AGBL4: variants seen among roughly 807,000 people sequenced by gnomAD.
The protein encoded by AGBL4 is AGBL carboxypeptidase 4.
Under a neutral mutation model 66.4 loss-of-function variants are expected in AGBL4, and 58 were observed. The observed-to-expected ratio is 0.87, with a 90% CI of 0.71 to 1.09. AGBL4 has a LOEUF of 1.09. Among genes scored for constraint, AGBL4 ranks in the 50% least tolerant of loss-of-function variants. The probability of loss-of-function intolerance (pLI) is 0.00; values close to 1 mark genes in which losing one functional copy is unlikely to be tolerated. For missense variants in AGBL4, 579 were observed against 631.0 expected, an observed-to-expected ratio of 0.92 and a Z score of 0.88; for synonymous variants, 234 against 222.9, an observed-to-expected ratio of 1.05 and a Z score of -0.44.
Position 49,997,832 on chromosome 1 carries a change from G to A in AGBL4, c.34+25931C>T, listed in dbSNP as rs886861703. Among the ~76,000 whole-genome samples the A allele has an allele frequency of 2.6e-5, 4 of 151,988 alleles. No individual in the cohort carries two copies. In the East Asian group the frequency reaches 7.7e-4, roughly 29 times the overall value. The stretch of plus-strand genomic sequence containing the variant: ...ACAAAACAAGTCTCAGTAAATTTAA[G>A]AAAATCAAAATTATATCAAGTACTT... On this transcript the variant is annotated intron_variant, in intron 1 of 13. Transcript: ENST00000371839.
Position 49,482,721 on chromosome 1 carries a change from T to C in AGBL4, c.282+214592A>G, listed in dbSNP as rs374016236. 2.0e-4 allele frequency among the ~76,000 whole-genome samples: 31 copies of C among 151,924 alleles called. No homozygotes were observed. In the East Asian group the frequency reaches 3.1e-3, roughly 15 times the overall value. On this transcript the variant is annotated intron_variant, in intron 3 of 13. Transcript: ENST00000371839. ...TAGTTCTTCTAGTTGTGATATTAGG[T>C]TGTTGAGATCTTCCTAGCTTTTTGA...
chr1:48,534,292 T>G lies in AGBL4; in HGVS notation c.1393A>C (p.Lys465Gln). 6.5e-7 allele frequency: 1 copy of G among 1,550,066 alleles called. No homozygotes were observed. Among genetic ancestry groups the G allele is most frequent in the Non-Finnish European group, 8.7e-7 (1 of 1,146,356 alleles). Residue 465 changes from lysine to glutamine, a missense_variant and splice_region_variant, in exon 14 of 14, where the codon AAA becomes CAA. By Grantham distance (53) the Lys-to-Gln change is moderately conservative. Coordinates refer to ENST00000371839, the MANE Select transcript of AGBL4 (RefSeq NM_032785.4). ...RNKEIEVQRR[K>Q]EKSPPYKHPL... is the part of the protein sequence containing the mutation. Reference sequence around the variant, plus strand: ...TGCTTGTAAGGAGGGGATTTTTCTTTCCTGCAAAGGGGGAGATAACAGAAA... The same window carrying G: ...TGCTTGTAAGGAGGGGATTTTTCTTGCCTGCAAAGGGGGAGATAACAGAAA...
chr1:49,944,555 GAAC>G (rs570787284), intron 1 of AGBL4, among the ~76,000 whole-genome samples: 135 of 152,106 alleles, frequency 8.9e-4, no homozygotes, highest in African/African-American at 3.1e-3. Flanking sequence ...AAAAGAATCT[GAAC>G]AACACCTTAA....
chr1:48,774,296 G>T (rs2153324), intron 6 of AGBL4, among the ~76,000 whole-genome samples: 91,005 of 152,022 alleles, frequency 0.6, 28,048 homozygotes, highest in Middle Eastern at 0.65. Context: ...GTCACTGTAA[G>T]CAATTCTCAG....
chr1:49,609,676 C>G (rs961221315), intron 3 of AGBL4, among the ~76,000 whole-genome samples: 1 of 151,976 alleles, frequency 6.6e-6, no homozygotes, highest in Non-Finnish European at 1.5e-5. Flanking sequence ...CCCTGGGAGT[C>G]GACATACATA....
chr1:49,337,666 C>G (rs974437288), intron 3 of AGBL4, among the ~76,000 whole-genome samples: 3 of 152,204 alleles, frequency 2.0e-5, no homozygotes, highest in African/African-American at 7.2e-5. Context: ...TCCCCCAGGG[C>G]AGCAACTATG....
At chr1:49,274,228 C>T (rs1644119977) in intron 3 of AGBL4, among the ~76,000 whole-genome samples, 1 of 152,072 alleles carries the variant, frequency 6.6e-6, no homozygotes, top group South Asian at 2.1e-4. Context: ...TTCTCACAGT[C>T]ATATTTCAAA....
At chr1:49,319,453 G>A (rs1645094335) in intron 3 of AGBL4, among the ~76,000 whole-genome samples, 1 of 152,144 alleles carries the variant, frequency 6.6e-6, no homozygotes, top group African/African-American at 2.4e-5. Context: ...TTGGTGTGGT[G>A]ACTCCACCAT....
intron 4 of AGBL4, among the ~76,000 whole-genome samples, chr1:49,199,744 G>A (rs760606879): frequency 2.0e-5 from 3 of 151,996 alleles, no homozygotes; most frequent in Non-Finnish European, 2.9e-5. Flanking sequence ...AGTTCTCCTT[G>A]GCTGGTTAAT....
At chr1:49,801,419 C>T (rs189975448) in intron 2 of AGBL4, among the ~76,000 whole-genome samples, 90 of 152,272 alleles carry the variant, frequency 5.9e-4, no homozygotes, top group Non-Finnish European at 1.1e-3. Flanking sequence ...TAAGCCATGC[C>T]CAGACTCCTG....
chr1:48,703,901 ATT>A (rs1441432991), intron 6 of AGBL4, among the ~76,000 whole-genome samples: 3 of 152,252 alleles, frequency 2.0e-5, no homozygotes, highest in Non-Finnish European at 2.9e-5. Context: ...ACACCCATGC[ATT>A]GCTAAAGGAT....
At chr1:49,610,714 T>C (rs1645139241) in intron 3 of AGBL4, among the ~76,000 whole-genome samples, 1 of 152,152 alleles carries the variant, frequency 6.6e-6, no homozygotes, top group Admixed American at 6.5e-5. Flanking sequence ...TACCAGACAC[T>C]GAACCTACTG....
chr1:49,844,943 G>A, intron 2 of AGBL4: 2 of 1,355,848 alleles, frequency 1.5e-6, no homozygotes, highest in Non-Finnish European at 2.1e-6. Context: ...GAAAACAGAA[G>A]TCTGAACCCT....
At chr1:49,187,492 T>C (rs944636386) in intron 4 of AGBL4, 2 of 152,174 alleles carry the variant, frequency 1.3e-5, no homozygotes, top group Non-Finnish European at 2.9e-5. Flanking sequence ...ACACTGACAA[T>C]AATAAAAGCC....
intron 3 of AGBL4, among the ~76,000 whole-genome samples, chr1:49,409,667 C>T (rs184824093): frequency 7.1e-4 from 108 of 151,864 alleles, no homozygotes; most frequent in African/African-American, 2.2e-3. Context: ...AGTAAAATTG[C>T]GATTATTAAT....
intron 1 of AGBL4, among the ~76,000 whole-genome samples, chr1:49,913,455 G>A (rs897989251): frequency 7.2e-5 from 11 of 152,200 alleles, no homozygotes; most frequent in African/African-American, 2.7e-4. Flanking sequence ...GTGGATATTG[G>A]GCCCCCAAGG....
chr1:49,151,172 G>A (rs1209146994), intron 4 of AGBL4, among the ~76,000 whole-genome samples: 1 of 151,328 alleles, frequency 6.6e-6, no homozygotes, highest in African/African-American at 2.4e-5. Flanking sequence ...TGAAGGCTGA[G>A]GCAGGAGAAT....
intron 4 of AGBL4, among the ~76,000 whole-genome samples, chr1:49,127,521 T>C (rs1028167324): frequency 1.5e-4 from 23 of 152,090 alleles, no homozygotes; most frequent in African/African-American, 5.1e-4. Context: ...GAGACATCTT[T>C]GCAGAAAAAG....
At chr1:49,972,338 A>G (rs1571987575) in intron 1 of AGBL4, among the ~76,000 whole-genome samples, 1 of 151,916 alleles carries the variant, frequency 6.6e-6, no homozygotes, top group Admixed American at 6.6e-5. Flanking sequence ...TCCACTTTTC[A>G]TAGTCTCCAA....
Sources: allele counts gnomAD v4.1 joint callset (sites outside exome capture counted in the v4.1 genomes callset), GRCh38; gene constraint gnomAD v4.1.1; transcripts MANE v1.5; gene names NCBI Gene and HGNC (gene_info 2026-07-23, HGNC 2026-07-21).